The following ANK3 variants were observed in gnomAD, a reference collection of about 807,000 sequenced individuals.
The protein encoded by ANK3 is ankyrin 3.
Under a neutral mutation model 370.9 loss-of-function variants are expected in ANK3, and 57 were observed. The ratio of observed to expected loss-of-function variants is 0.15; its 90% CI spans 0.12 to 0.19. ANK3 has a LOEUF of 0.19. Among genes scored for constraint, ANK3 ranks in the 10% least tolerant of loss-of-function variants. ANK3 has a pLI of 1.00. For missense variants in ANK3, 4,439 were observed against 5,302.1 expected (o/e 0.84, Z 5.06); for synonymous variants, 1,929 against 1,946.3 (o/e 0.99, Z 0.23).
chr10:60,703,965 C>T (rs774609870), intron 1 of ANK3, among the ~76,000 whole-genome samples: 2 of 152,136 alleles, frequency 1.3e-5, no homozygotes, highest in Non-Finnish European at 2.9e-5. Context: ...GGAACTGATA[C>T]TGTGTGACTT....
chr10:60,430,224 A>G (rs2132975769), intron 2 of ANK3, among the ~76,000 whole-genome samples: 1 of 152,376 alleles, frequency 6.6e-6, no homozygotes, highest in Middle Eastern at 3.4e-3. Context: ...TGAAGGCTGA[A>G]TGCCAAGAAA....
chr10:60,372,846 TTAAAA>T (rs879815091), intron 1 of ANK3, among the ~76,000 whole-genome samples: 4 of 152,218 alleles, frequency 2.6e-5, no homozygotes, highest in Non-Finnish European at 4.4e-5. Flanking sequence ...TTCTTTTCAC[TTAAAA>T]TAAATGAAAT....
intron 2 of ANK3, among the ~76,000 whole-genome samples, chr10:60,396,603 C>T (rs979308525): frequency 5.9e-5 from 9 of 152,068 alleles, no homozygotes; most frequent in African/African-American, 2.2e-4. Context: ...ATAAATTCTC[C>T]TGTGTACCTT....
chr10:60,571,956 C>T (rs1330427741), intron 2 of ANK3, among the ~76,000 whole-genome samples: 2 of 152,086 alleles, frequency 1.3e-5, no homozygotes, highest in Non-Finnish European at 2.9e-5. Context: ...GAATGCAAAC[C>T]TGAGATCTGT....
At chr10:60,694,429 C>G (rs1392880901) in intron 1 of ANK3, among the ~76,000 whole-genome samples, 2 of 152,132 alleles carry the variant, frequency 1.3e-5, no homozygotes, top group African/African-American at 4.8e-5. Flanking sequence ...AAGAGCAACT[C>G]CAAGACAAAT....
At chr10:60,300,301 G>C in intron 1 of ANK3, 1 of 1,218,852 alleles carries the variant, frequency 8.2e-7, no homozygotes, top group Non-Finnish European at 1.1e-6. Flanking sequence ...ATTTCATTTA[G>C]GAGCTGTAAA....
intron 18 of ANK3, among the ~76,000 whole-genome samples, chr10:60,176,055 G>A (rs895912265): frequency 3.3e-5 from 5 of 152,056 alleles, no homozygotes; most frequent in South Asian, 2.1e-4. Context: ...AGATCAGGCC[G>A]GGTGTGGTGG....
At position 60,452,113 on chromosome 10, in the gene ANK3, C is replaced by T. The variant is rs554210625; in HGVS notation, c.96+163073G>A. ...TGTTATCTTTACATTTCTAGACATCCCCATGACCCTAGGGGTAAGAAAGGA... is the reference window on the plus strand; with the variant it reads ...TGTTATCTTTACATTTCTAGACATCTCCATGACCCTAGGGGTAAGAAAGGA... On this transcript the variant is annotated intron_variant, in intron 2 of 43. Coordinates refer to the ANK3 transcript ENST00000373827. 2.8e-4 allele frequency among the ~76,000 whole-genome samples: 43 copies of T among 152,318 alleles called. No individual in the cohort carries two copies. In the South Asian group the frequency reaches 8.1e-3, roughly 29 times the overall value.
At chr10:60,664,595 A>T (rs1441911433) in intron 1 of ANK3, among the ~76,000 whole-genome samples, 1 of 152,218 alleles carries the variant, frequency 6.6e-6, no homozygotes, top group East Asian at 1.9e-4. Context: ...AATGCAGGCC[A>T]AAATGGTTAG....
chr10:60,382,695 C>G (rs984496811), intron 1 of ANK3, among the ~76,000 whole-genome samples: 3 of 151,454 alleles, frequency 2.0e-5, no homozygotes, highest in African/African-American at 7.3e-5. Context: ...AAAACTATAG[C>G]AAATTGCTTG....
rs934420522 is a variant in ANK3, at chr10:60,490,857, C to T, written c.96+124329G>A. Among the ~76,000 whole-genome samples the T allele has an allele frequency of 3.9e-5, 6 of 152,220 alleles. No homozygotes were observed. In the East Asian group the frequency reaches 9.7e-4, roughly 25 times the overall value. On this transcript the variant is annotated intron_variant, in intron 2 of 43. Coordinates refer to the ANK3 transcript ENST00000373827. ...TAGTCAGTTTTGATAATTGTCTAAA[C>T]TTATGTAAAAATCACCCAAAACAAA...
chr10:60,529,566 T>A (rs990326958), intron 2 of ANK3, among the ~76,000 whole-genome samples: 1 of 152,126 alleles, frequency 6.6e-6, no homozygotes, highest in African/African-American at 2.4e-5. Context: ...CTGGTTTTCC[T>A]CCTATCAAAA....
At chr10:60,486,164 G>T (rs549414217) in intron 2 of ANK3, among the ~76,000 whole-genome samples, 71 of 152,300 alleles carry the variant, frequency 4.7e-4, no homozygotes, top group African/African-American at 1.5e-3. Flanking sequence ...ACAAATACGT[G>T]CAATGAGAAA....
chr10:60,479,443 T>C (rs985809353), intron 2 of ANK3, among the ~76,000 whole-genome samples: 6 of 152,190 alleles, frequency 3.9e-5, no homozygotes, highest in African/African-American at 1.4e-4. Context: ...AAGTACACTC[T>C]GTGATATTTG....
At chr10:60,386,481 T>G (rs2062343099) in intron 1 of ANK3, among the ~76,000 whole-genome samples, 1 of 151,526 alleles carries the variant, frequency 6.6e-6, no homozygotes, top group Non-Finnish European at 1.5e-5. Context: ...ATGTCAAGAA[T>G]AAAACACATC....
intron 2 of ANK3, among the ~76,000 whole-genome samples, chr10:60,415,764 A>T (rs199883195): frequency 1.3e-5 from 2 of 152,222 alleles, no homozygotes; most frequent in East Asian, 3.8e-4. Flanking sequence ...TCACCCAAGC[A>T]GCAAAGAAAA....
intron 42 of ANK3, among the ~76,000 whole-genome samples, chr10:60,045,447 G>A (rs969759615): frequency 1.3e-5 from 2 of 152,100 alleles, no homozygotes; most frequent in Non-Finnish European, 2.9e-5. Context: ...TGTATAACAC[G>A]ACAAACTACT....
intron 1 of ANK3, among the ~76,000 whole-genome samples, chr10:60,305,322 C>T (rs536980074): frequency 4.2e-4 from 64 of 152,092 alleles, no homozygotes; most frequent in Non-Finnish European, 8.5e-4. Flanking sequence ...GTCTGTCCCT[C>T]AGATCTTGTA....
At chr10:60,509,185 C>T (rs1449680513) in intron 2 of ANK3, among the ~76,000 whole-genome samples, 1 of 152,004 alleles carries the variant, frequency 6.6e-6, no homozygotes, top group Non-Finnish European at 1.5e-5. Context: ...TTAAGACAAA[C>T]ATTCCTCTTG....
Sources: gnomAD v4.1 joint callset for allele counts (sites outside exome capture counted in the v4.1 genomes callset) on GRCh38, gnomAD v4.1.1 for gene constraint, MANE v1.5 for transcripts, NCBI Gene and HGNC (gene_info 2026-07-23, HGNC 2026-07-21) for gene names.